DCP2: variants seen among roughly 807,000 people sequenced by gnomAD.
DCP2 encodes the protein decapping mRNA 2.
A neutral mutation model predicts 56.1 loss-of-function variants in DCP2; 30 were observed. That is an observed-to-expected ratio of 0.53 (90% CI 0.40 to 0.73). The LOEUF is 0.73. Among genes scored for constraint, DCP2 ranks in the 30% least tolerant of loss-of-function variants. DCP2 has a pLI of 0.00. For missense variants in DCP2, 533 were observed against 502.7 expected (o/e 1.06, Z -0.58); for synonymous variants, 197 against 163.3 (o/e 1.21, Z -1.57).
At chr5:113,010,926 G>C (rs1749657376) in intron 10 of DCP2, 119 bp downstream of exon 10, 1 of 1,068,386 alleles carries the variant, frequency 9.4e-7, no homozygotes, top group African/African-American at 1.6e-5. Context: ...AGTTGCATAT[G>C]TTCTGTAGAA....
At chr5:112,986,209 T>A (rs771003161) in intron 2 of DCP2, among the ~76,000 whole-genome samples, 1 of 152,316 alleles carries the variant, frequency 6.6e-6, no homozygotes. Context: ...CCCTAAAATG[T>A]ACACTGATTA....
intron 4 of DCP2, among the ~76,000 whole-genome samples, chr5:112,993,983 T>C (rs566034463): frequency 1.1e-3 from 163 of 151,738 alleles, no homozygotes; most frequent in Middle Eastern, 3.4e-3. Flanking sequence ...TATTTACTTA[T>C]AGAGGCAAAG....
intron 10 of DCP2, among the ~76,000 whole-genome samples, chr5:113,011,972 C>G (rs191534217): frequency 7.9e-5 from 12 of 152,250 alleles, no homozygotes; most frequent in Admixed American, 5.9e-4. Flanking sequence ...ATTATTTCTC[C>G]TCATTAGAGT....
At chr5:112,989,845 A>G (rs1435327313) in intron 2 of DCP2, among the ~76,000 whole-genome samples, 2 of 152,204 alleles carry the variant, frequency 1.3e-5, no homozygotes, top group Admixed American at 6.5e-5. Flanking sequence ...TATTTTATTA[A>G]TTTACTAGAG....
chr5:112,985,801 A>C, intron 1 of DCP2, 34 bp from the exon 2 acceptor site: 1 of 1,590,328 alleles, frequency 6.3e-7, no homozygotes, highest in Non-Finnish European at 8.6e-7. Context: ...ATAGTTTGTA[A>C]ATGTAATTTT....
rs748555203 is a variant in DCP2 at position 113,003,944 on chromosome 5, G to A, written c.809G>A (p.Arg270Gln). The A allele has an allele frequency of 1.4e-5, 23 of 1,613,808 alleles. No individual in the cohort carries two copies. The highest frequency in any genetic ancestry group is 4.2e-6 in the Non-Finnish European group (5 of 1,179,968). ...TTATTTTTTAAATCTTGGTGTAGTC[G>A]AACCAAATTCCGCCACAGTCAGCAG... ...PAKPTVEKLS[R>Q]TKFRHSQQLF... The change falls in exon 8 of 11, where the codon CGA (arginine) becomes CAA (glutamine). Residue 270 changes from arginine to glutamine, a missense_variant and splice_region_variant. Physicochemically the swap from Arg to Gln is conservative, Grantham distance 43. Coordinates refer to ENST00000389063, the MANE Select transcript of DCP2 (RefSeq NM_152624.6).
rs75657328 is a variant in DCP2, at chr5:112,992,127, G to A, written c.212G>A (p.Ser71Asn). The change falls in exon 3 of 11, where the codon AGT becomes AAT. Residue 71 changes from serine to asparagine, a missense_variant. By Grantham distance (46) the Ser-to-Asn change is conservative (BLOSUM62 1). Transcript: ENST00000389063. ...GIRDFAKAVF[S>N]HCPFLLPQGE... ...TCCTTGACACTATTTATACTCTTCA[G>A]TCATTGTCCGTTTTTGCTGCCTCAA... 1.8e-5 allele frequency: 29 copies of A among 1,613,738 alleles called. No homozygotes were observed. Among genetic ancestry groups the A allele is most frequent in the Non-Finnish European group, 2.4e-5 (28 of 1,179,970 alleles).
At chr5:112,986,677 A>G (rs1489619689) in intron 2 of DCP2, among the ~76,000 whole-genome samples, 3 of 152,018 alleles carry the variant, frequency 2.0e-5, no homozygotes, top group Admixed American at 2.0e-4. Context: ...CTATGTTTGA[A>G]GCAGTGTTTT....
At chr5:112,977,690 A>G (rs988579037) in intron 1 of DCP2, among the ~76,000 whole-genome samples, 2 of 152,154 alleles carry the variant, frequency 1.3e-5, no homozygotes, top group African/African-American at 4.8e-5. Context: ...AATTTTCTGC[A>G]TTCTTCCCCC....
At chr5:112,988,082 C>T (rs966041810) in intron 2 of DCP2, among the ~76,000 whole-genome samples, 5 of 152,088 alleles carry the variant, frequency 3.3e-5, no homozygotes, top group East Asian at 3.9e-4. Context: ...TGGAATCCTT[C>T]GGGCTCTGTA....
At chr5:113,003,302 T>C (rs1328427222) in intron 7 of DCP2, among the ~76,000 whole-genome samples, 5 of 152,198 alleles carry the variant, frequency 3.3e-5, no homozygotes, top group African/African-American at 1.2e-4. Context: ...AGACTGGATC[T>C]TTACTTAATT....
chr5:113,001,975 C>G (rs897377935), intron 7 of DCP2, among the ~76,000 whole-genome samples: 9 of 152,150 alleles, frequency 5.9e-5, no homozygotes, highest in African/African-American at 2.2e-4. Flanking sequence ...CTTAGTGTTA[C>G]TTCTCTGTTG....
chr5:113,008,781 C>T (rs780462799), intron 9 of DCP2, among the ~76,000 whole-genome samples: 3 of 151,964 alleles, frequency 2.0e-5, no homozygotes, highest in Admixed American at 1.3e-4. Flanking sequence ...AGAAGACAAT[C>T]TTAGTAGATG....
chr5:112,978,021 A>T (rs894029428), intron 1 of DCP2, among the ~76,000 whole-genome samples: 1 of 151,760 alleles, frequency 6.6e-6, no homozygotes, highest in African/African-American at 2.4e-5. Context: ...TCTTTTGCCC[A>T]GGCTGGTGTG....
At position 113,017,660 on chromosome 5, in the gene DCP2, T is replaced by C. The variant is rs958982128; in HGVS notation, c.*4176T>C. On this transcript the variant is annotated 3_prime_UTR_variant, in exon 11 of 11. Coordinates refer to ENST00000389063, the MANE Select transcript of DCP2 (RefSeq NM_152624.6). ...AAAAAAATATGATAGATTATTGTTATAGAATCAAAGTGTCCTGAAGGGAGA... is the reference window on the plus strand; with the variant it reads ...AAAAAAATATGATAGATTATTGTTACAGAATCAAAGTGTCCTGAAGGGAGA... 2.0e-5 allele frequency: 3 copies of C among 152,182 alleles called. No homozygotes were observed. The highest frequency in any genetic ancestry group is 6.5e-5 in the Admixed American group (1 of 15,268). The allele number at this position is 152,182 out of a possible 1,614,324, so 9.4% of individuals were successfully genotyped here. A position where few individuals can be genotyped will look rare whatever the true frequency, so the allele number is the denominator to read the frequency against.
At chr5:112,996,801 G>T (rs1374868702) in intron 4 of DCP2, among the ~76,000 whole-genome samples, 1 of 152,134 alleles carries the variant, frequency 6.6e-6, no homozygotes, top group Admixed American at 6.5e-5. Flanking sequence ...TTTCTGGATA[G>T]TTTATTCAGT....
chr5:112,983,287 C>G (rs543596342), intron 1 of DCP2, among the ~76,000 whole-genome samples: 1 of 152,346 alleles, frequency 6.6e-6, no homozygotes, highest in Non-Finnish European at 1.5e-5. Flanking sequence ...CCCTTCCCCA[C>G]AAGTCCCTAA....
At chr5:113,012,390 C>T (rs1332643524) in intron 10 of DCP2, among the ~76,000 whole-genome samples, 6 of 152,112 alleles carry the variant, frequency 3.9e-5, no homozygotes, top group Non-Finnish European at 4.4e-5. Context: ...CTTGGTATAT[C>T]GATCTTAGTT....
At chr5:112,983,977 A>G (rs1748129421) in intron 1 of DCP2, 4 of 152,228 alleles carry the variant, frequency 2.6e-5, no homozygotes, top group Admixed American at 2.0e-4. Context: ...TTCACAGGAT[A>G]TGTGAGGATT....
Sources: gnomAD v4.1 joint callset for allele counts (sites outside exome capture counted in the v4.1 genomes callset) on GRCh38, gnomAD v4.1.1 for gene constraint, MANE v1.5 for transcripts, NCBI Gene and HGNC (gene_info 2026-07-23, HGNC 2026-07-21) for gene names.